The following TTLL8 variants were observed in gnomAD, a reference collection of about 807,000 sequenced individuals.
TTLL8 encodes tubulin tyrosine ligase like 8, also known as protein monoglycylase TTLL8.
A neutral mutation model predicts 77.8 loss-of-function variants in TTLL8; 65 were observed. That is an observed-to-expected ratio of 0.84 (90% CI 0.68 to 1.03). The LOEUF (loss-of-function observed/expected upper bound fraction) is 1.03, where lower values mean the gene tolerates loss of function less well. Among genes scored for constraint, TTLL8 ranks in the 50% least tolerant of loss-of-function variants. The pLI is 0.00. For synonymous variants in TTLL8, 402 were observed against 422.8 expected, an observed-to-expected ratio of 0.95 and a Z score of 0.60; for missense variants, 910 against 1,004.5, an observed-to-expected ratio of 0.91 and a Z score of 1.27.
intron 5 of TTLL8, 71 bp from the exon 8 acceptor site, chr22:50,045,460 A>G (rs8137790): frequency 0.56 from 733,687 of 1,307,298 alleles, 209,176 homozygotes; most frequent in Non-Finnish European, 0.59. Flanking sequence ...GGCCAGGGCC[A>G]CGGAGGCTCC....
Position 50,050,259 on chromosome 22 carries a change from A to G in TTLL8, c.52-12T>C, listed in dbSNP as rs1294584779. ...AAAATCTTCTTCTCCTAAAATGGCA[A>G]GAGGATATTTTATTTTATTTCAATC... On this transcript the variant is annotated splice_polypyrimidine_tract_variant and intron_variant, in intron 1 of 13. Coordinates refer to ENST00000266182, the Ensembl canonical transcript of TTLL8. 2 of 1,309,564 alleles carry G rather than the reference A, an allele frequency of 1.5e-6. No homozygotes were observed. Among genetic ancestry groups the G allele is most frequent in the Non-Finnish European group, 2.0e-6 (2 of 991,788 alleles). 81.1% of individuals were successfully genotyped at this position (1,309,564 alleles called of 1,614,324 possible).
intron 8 of TTLL8, among the ~76,000 whole-genome samples, chr22:50,037,491 C>T (rs573816983): frequency 4.6e-5 from 7 of 152,216 alleles, no homozygotes; most frequent in East Asian, 3.8e-4. Context: ...TGAGCCACCA[C>T]GCCCGGCCCA....
chr22:50,036,745 T>G (rs2061339546), intron 8 of TTLL8, among the ~76,000 whole-genome samples: 1 of 152,040 alleles, frequency 6.6e-6, no homozygotes, highest in Non-Finnish European at 1.5e-5. Flanking sequence ...ATTACAGGCA[T>G]GAGCCACCAT....
chr22:50,055,548 G>A (rs1037221861), upstream of TTLL8, among the ~76,000 whole-genome samples: 1 of 151,926 alleles, frequency 6.6e-6, no homozygotes, highest in African/African-American at 2.4e-5. Flanking sequence ...CCAGCTACTC[G>A]GAAGGCTGAG....
intron 3 of TTLL8, 55 bp from the exon 6 acceptor site, chr22:50,047,351 G>C: frequency 7.4e-7 from 1 of 1,343,682 alleles, no homozygotes; most frequent in Non-Finnish European, 1.0e-6. Context: ...ACACCAGCCA[G>C]GATGGGATGG....
intron 1 of TTLL8, among the ~76,000 whole-genome samples, 165 bp from the exon 4 acceptor site, chr22:50,050,412 A>C (rs914385965): frequency 1.4e-5 from 2 of 146,462 alleles, no homozygotes; most frequent in African/African-American, 2.6e-5. Flanking sequence ...TCACTCTGTC[A>C]TCCAGGCCGG....
chr22:50,055,559 G>A (rs761733721), upstream of TTLL8, among the ~76,000 whole-genome samples: 4 of 151,858 alleles, frequency 2.6e-5, no homozygotes, highest in Non-Finnish European at 4.4e-5. Flanking sequence ...GAAGGCTGAG[G>A]CAGGCGAATC....
intron 6 of TTLL8, among the ~76,000 whole-genome samples, chr22:50,043,438 G>A (rs2061386890): frequency 1.4e-5 from 2 of 146,014 alleles, no homozygotes; most frequent in East Asian, 2.0e-4. Flanking sequence ...CAGTGGTGCC[G>A]AGACGTCCTT....
upstream of TTLL8, among the ~76,000 whole-genome samples, chr22:50,057,190 GGGT>G (rs1157688973): frequency 2.0e-5 from 3 of 149,644 alleles, no homozygotes; most frequent in African/African-American, 7.5e-5. Flanking sequence ...CTGGGGTTGG[GGGT>G]CAGGTCTGGA....
intron 12 of TTLL8, among the ~76,000 whole-genome samples, chr22:50,019,895 G>A (rs1306132349): frequency 3.3e-5 from 5 of 152,112 alleles, no homozygotes; most frequent in African/African-American, 7.2e-5. Context: ...CTGGCAGTCC[G>A]GAATTTTATG....
rs1433111433 is a variant in TTLL8 at position 50,031,464 on chromosome 22, A to G, written c.1707+222T>C. On this transcript the variant is annotated intron_variant, in intron 11 of 13. Transcript: ENST00000266182. ...GGGGCCGCTCCGCCCGCACGCCTGG[A>G]GTAGCCCCTTCCTCGGTGCCGACGA... The G allele has an allele frequency of 6.0e-6, 5 of 832,322 alleles. No individual in the cohort carries two copies. The South Asian group carries it at 2.7e-4, about 46-fold the overall frequency. The allele number at this position is 832,322 out of a possible 1,614,324, so 51.6% of individuals were successfully genotyped here.
chr22:50,027,794 G>A (rs1199239931), intron 12 of TTLL8: 10 of 985,352 alleles, frequency 1.0e-5, no homozygotes, highest in Non-Finnish European at 1.1e-5. Context: ...CTGAGGCCGA[G>A]GGGCACATGG....
At chr22:50,047,321 A>G (rs1006328138) in intron 3 of TTLL8, 25 bp from the exon 6 acceptor site, 3 of 1,366,172 alleles carry the variant, frequency 2.2e-6, no homozygotes, top group Non-Finnish European at 2.9e-6. Context: ...GTCTTTATTG[A>G]TGCCCAGCAT....
At chr22:50,051,217 A>C (rs993977837) in intron 1 of TTLL8, among the ~76,000 whole-genome samples, 3 of 152,126 alleles carry the variant, frequency 2.0e-5, no homozygotes, top group Non-Finnish European at 4.4e-5. Context: ...CAAGTCTCCA[A>C]ACTCTATCTT....
In TTLL8 at chr22:50,034,628, G is replaced by C; in HGVS notation, c.922-166C>G. ...CCTGGCGGGAAAGGGCTGCGGGTCGGCCCAGGAAGTTCTCCCAACAGTATG... is the reference window on the plus strand; with the variant it reads ...CCTGGCGGGAAAGGGCTGCGGGTCGCCCCAGGAAGTTCTCCCAACAGTATG... On this transcript the variant is annotated intron_variant, in intron 8 of 13. Transcript: ENST00000266182. The surrounding 1 kb of genome is among the most constrained non-coding windows in gnomAD (Gnocchi z 4.1). 1 of 594,112 alleles carries C rather than the reference G, an allele frequency of 1.7e-6. No homozygotes were observed. Among genetic ancestry groups the C allele is most frequent in the East Asian group, 6.9e-5 (1 of 14,446 alleles). The allele number at this position is 594,112 out of a possible 1,614,324, so 36.8% of individuals were successfully genotyped here.
Position 50,032,126 on chromosome 22 carries a change from G to A in TTLL8, c.1284-17C>T, listed in dbSNP as rs1198654989. On this transcript the variant is annotated splice_polypyrimidine_tract_variant and intron_variant, in intron 10 of 13. Coordinates refer to ENST00000266182, the Ensembl canonical transcript of TTLL8. ...TGGATGGCGCTGCAGGGGGGACGAG[G>A]GGCAGGTGCTCAGCCTCCCTTGGCC... 1 of 1,341,888 alleles carries A rather than the reference G, an allele frequency of 7.5e-7. No homozygotes were observed. Among genetic ancestry groups the A allele is most frequent in the Non-Finnish European group, 9.9e-7 (1 of 1,008,298 alleles). 83.1% of individuals were successfully genotyped at this position (1,341,888 alleles called of 1,614,324 possible). A position where few individuals can be genotyped will look rare whatever the true frequency, so the allele number is the denominator to read the frequency against.
At chr22:50,039,370 C>T (rs1260969000) in intron 8 of TTLL8, among the ~76,000 whole-genome samples, 4 of 151,998 alleles carry the variant, frequency 2.6e-5, no homozygotes, top group Non-Finnish European at 4.4e-5. Context: ...AGCACTAACA[C>T]GTATGTAACT....
At chr22:50,030,616 C>G in exon 12 of TTLL8, 1 of 1,294,700 alleles carries the variant, frequency 7.7e-7, no homozygotes, top group Non-Finnish European at 1.0e-6. Context: ...TCCACCTTCC[C>G]AGCAGCTTTG....
At chr22:50,054,516 C>A in intron 1 of TTLL8, 1 of 179,324 alleles carries the variant, frequency 5.6e-6, no homozygotes, top group Admixed American at 6.0e-5. Context: ...AACCCCTCTG[C>A]ACACACAGGT....
Sources: gnomAD v4.1 joint callset for allele counts (sites outside exome capture counted in the v4.1 genomes callset) on GRCh38, gnomAD v4.1.1 for gene constraint, Gnocchi (gnomAD v3.1) non-coding constraint, MANE v1.5 for transcripts, NCBI Gene and HGNC (gene_info 2026-07-23, HGNC 2026-07-21) for gene names.